Variants in SELPLG observed in about 807,000 individuals in gnomAD.
SELPLG encodes the protein selectin P ligand.
In SELPLG, 2 loss-of-function variants were observed where a neutral mutation model predicts 1.1. That is an observed-to-expected ratio of 1.82 (90% CI 0.74 to 5.71). The LOEUF is 5.71. SELPLG is among the 30% of genes most tolerant of loss of function. SELPLG has a pLI of 0.05. For missense variants in SELPLG, 478 were observed against 524.7 expected, an observed-to-expected ratio of 0.91 and a Z score of 0.87; for synonymous variants, 230 against 221.2, an observed-to-expected ratio of 1.04 and a Z score of -0.35.
rs758662679 is a variant in SELPLG, at chr12:108,624,331, C to T, written c.-5-19G>A. 1.4e-5 allele frequency: 23 copies of T among 1,606,428 alleles called. 1 individual carries two copies. The highest frequency in any genetic ancestry group is 4.0e-5 in the African/African-American group (3 of 74,688). On this transcript the variant is annotated intron_variant, in intron 1 of 1. Transcript: ENST00000550948. ...ATGGCACCTAGGAGGAGACAATGGG[C>T]GGAGGGATGTCAAGACAGTTTCACC...
At position 108,623,064 on chromosome 12, in the gene SELPLG, G is replaced by T; in HGVS notation, c.*5C>A. 4 of 1,482,824 alleles carry T rather than the reference G, an allele frequency of 2.7e-6. No homozygotes were observed. Among genetic ancestry groups the T allele is most frequent in the East Asian group, 2.4e-5 (1 of 42,278 alleles). 91.9% of individuals were successfully genotyped at this position (1,482,824 alleles called of 1,614,324 possible). A position where few individuals can be genotyped will look rare whatever the true frequency, so the allele number is the denominator to read the frequency against. On this transcript the variant is annotated 3_prime_UTR_variant, in exon 2 of 2. Coordinates refer to ENST00000550948, the MANE Select transcript of SELPLG (RefSeq NM_003006.4). ...GGGTCTTGCCAAAACAGATGGCAGA[G>T]TGAGCTAAGGGAGGAAGCTGTGCAG...
In SELPLG at chr12:108,623,404, T is replaced by A; in HGVS notation, c.904A>T (p.Asn302Tyr). 6.2e-7 allele frequency: 1 copy of A among 1,614,204 alleles called. No individual in the cohort carries two copies. The highest frequency in any genetic ancestry group is 8.5e-7 in the Non-Finnish European group (1 of 1,180,022). ...CCCACTGGGTAGTTGACGGACAAAT[T>A]GCTGGCTGCCATGGGAATGCCCTTG... ...THKGIPMAAS[N>Y]LSVNYPVGAP... is the part of the protein sequence containing the mutation. Residue 302 changes from asparagine (N) to tyrosine (Y), a missense_variant, in exon 2 of 2, where the codon AAT becomes TAT. Transcript: ENST00000550948.
In SELPLG at chr12:108,632,386, TGGGGTG is replaced by T. The variant is rs1425191105; in HGVS notation, c.-6+1348_-6+1353del. 2.8e-3 allele frequency among the ~76,000 whole-genome samples: 290 copies of T among 104,884 alleles called. 2 individuals are homozygous for T. Among genetic ancestry groups the T allele is most frequent in the African/African-American group, 0.011 (277 of 24,458 alleles). 68.8% of individuals were successfully genotyped at this position (104,884 alleles called of 152,430 possible). On this transcript the variant is annotated intron_variant, in intron 1 of 1. Transcript: ENST00000550948. ...AACAGAAGCCCAGATATCGACAATA[TGGGGTG>T]TGTGTGTGTGTGTGTGTGTGTGTGT...
chr12:108,632,050 T>C lies in SELPLG; in HGVS notation c.-6+1690A>G, dbSNP rs943456623. The C allele has an allele frequency of 1.2e-5, 10 of 831,712 alleles. No individual in the cohort carries two copies. The African/African-American group carries it at 1.5e-4, about 13-fold the overall frequency. The allele number at this position is 831,712 out of a possible 1,614,324, so 51.5% of individuals were successfully genotyped here. On this transcript the variant is annotated intron_variant, in intron 1 of 1. Coordinates refer to ENST00000550948, the MANE Select transcript of SELPLG (RefSeq NM_003006.4). ...GTTTTCTCATCTGTAAAAGGGGCAC[T>C]GTCCACCCTCCAAGGTTCTCGGATG...
At chr12:108,627,084 A>C (rs773937830) in intron 1 of SELPLG, among the ~76,000 whole-genome samples, 1 of 151,988 alleles carries the variant, frequency 6.6e-6, no homozygotes, top group Non-Finnish European at 1.5e-5. Context: ...AGTCTGGGAG[A>C]CAAGAGCAAA....
At chr12:108,625,841 C>T (rs539162945) in intron 1 of SELPLG, among the ~76,000 whole-genome samples, 4 of 152,306 alleles carry the variant, frequency 2.6e-5, no homozygotes, top group African/African-American at 9.6e-5. Flanking sequence ...TGGTGAGTGA[C>T]AGCCACGTTC....
intron 1 of SELPLG, among the ~76,000 whole-genome samples, chr12:108,632,734 T>TA (rs1255836468): frequency 1.3e-5 from 2 of 152,116 alleles, no homozygotes; most frequent in African/African-American, 4.8e-5. Context: ...CAGGTTGGTC[T>TA]AGAACTCCTG....
chr12:108,632,103 C>T (rs2032068345), intron 1 of SELPLG: 1 of 616,666 alleles, frequency 1.6e-6, no homozygotes, highest in Non-Finnish European at 2.8e-6. Flanking sequence ...TCTGAATGCC[C>T]CACTCTGGGC....
intron 1 of SELPLG, among the ~76,000 whole-genome samples, chr12:108,628,433 A>G (rs558810894): frequency 8.5e-5 from 13 of 152,096 alleles, no homozygotes; most frequent in Admixed American, 3.3e-4. Flanking sequence ...TGGGGGAAGA[A>G]TCTACGGCCC....
At chr12:108,628,199 A>T (rs779829685) in intron 1 of SELPLG, among the ~76,000 whole-genome samples, 1 of 150,448 alleles carries the variant, frequency 6.6e-6, no homozygotes, top group African/African-American at 2.5e-5. Context: ...GAAGGTTGAG[A>T]CTGCAGTGAG....
rs964786087 is a variant in SELPLG at position 108,621,954 on chromosome 12, T to C, written c.*1115A>G. ...GTTTAGAGGGATATTGGTCCGAGGT[T>C]TGGGGGGGACCAAACTCTGTGGGCC... On this transcript the variant is annotated 3_prime_UTR_variant, in exon 2 of 2. Coordinates refer to ENST00000550948, the MANE Select transcript of SELPLG (RefSeq NM_003006.4). Among the ~76,000 whole-genome samples the C allele has an allele frequency of 1.3e-5, 2 of 152,094 alleles. No individual in the cohort carries two copies. The highest frequency in any genetic ancestry group is 1.9e-4 in the East Asian group (1 of 5,194).
chr12:108,624,375 C>T (rs1023153849), intron 1 of SELPLG, 63 bp from the exon 2 acceptor site: 18 of 1,464,428 alleles, frequency 1.2e-5, no homozygotes, highest in Admixed American at 5.8e-5. Flanking sequence ...TAGCAAGCAC[C>T]CTAGACCACC....
chr12:108,626,849 A>G (rs2031945281), intron 1 of SELPLG, among the ~76,000 whole-genome samples: 1 of 152,192 alleles, frequency 6.6e-6, no homozygotes, highest in South Asian at 2.1e-4. Flanking sequence ...TCACGCCTGT[A>G]ATCCCAACTG....
At chr12:108,628,692 G>C (rs7138370) in intron 1 of SELPLG, 112,387 of 152,246 alleles carry the variant, frequency 0.74, 41,746 homozygotes, top group South Asian at 0.81. Context: ...CTTGCAGCAG[G>C]CCGGAGGCTG....
chr12:108,627,909 C>T (rs1357574356), intron 1 of SELPLG, among the ~76,000 whole-genome samples: 1 of 152,032 alleles, frequency 6.6e-6, no homozygotes, highest in East Asian at 1.9e-4. Flanking sequence ...CCCTGTCTCT[C>T]GTCTCTACAA....
intron 1 of SELPLG, among the ~76,000 whole-genome samples, chr12:108,628,318 AACACACACACACACACAC>A (rs57432345): frequency 1.3e-4 from 18 of 140,206 alleles, no homozygotes; most frequent in African/African-American, 3.8e-4. Flanking sequence ...TAATAAATGT[AACACACACACACACACAC>A]ACACACACAC....
chr12:108,626,042 G>A (rs888426879), intron 1 of SELPLG, among the ~76,000 whole-genome samples: 4 of 151,718 alleles, frequency 2.6e-5, no homozygotes, highest in Non-Finnish European at 4.4e-5. Context: ...TCGGGTGACT[G>A]TAACTCACTC....
In SELPLG at chr12:108,624,066, G is replaced by A. The variant is rs756752918; in HGVS notation, c.242C>T (p.Thr81Ile). The change falls in exon 2 of 2, where the codon ACC becomes ATC. Residue 81 changes from threonine to isoleucine, a missense_variant. Thr to Ile is a moderately conservative substitution (Grantham distance 89). Transcript: ENST00000550948. ...ACGCCTTGCAGCAGGCTCCACAGTG[G>A]TAGACTCAGGGGTTCCAGGCCCAGT... Reference protein sequence around the residue: ...PLTGPGTPESTTVEPAARRST... With the variant: ...PLTGPGTPESITVEPAARRST... The A allele has an allele frequency of 3.7e-6, 6 of 1,614,126 alleles. No individual in the cohort carries two copies. The East Asian group carries it at 1.3e-4, about 36-fold the overall frequency.
At chr12:108,630,300 G>T (rs1387426140) in intron 1 of SELPLG, among the ~76,000 whole-genome samples, 1 of 152,232 alleles carries the variant, frequency 6.6e-6, no homozygotes, top group Non-Finnish European at 1.5e-5. Context: ...CCAGACTCCA[G>T]CTCCAGAGAA....
Sources: allele counts gnomAD v4.1 joint callset (sites outside exome capture counted in the v4.1 genomes callset), GRCh38; gene constraint gnomAD v4.1.1; transcripts MANE v1.5; gene names NCBI Gene and HGNC (gene_info 2026-07-23, HGNC 2026-07-21).